Variants in MACROD2 observed in about 807,000 individuals in gnomAD.
MACROD2 encodes the protein ADP-ribose glycohydrolase MACROD2.
In MACROD2, 36 loss-of-function variants were observed where a neutral mutation model predicts 70.4. The ratio of observed to expected loss-of-function variants is 0.51; its 90% CI spans 0.39 to 0.68. The LOEUF (loss-of-function observed/expected upper bound fraction) is 0.68. Among genes scored for constraint, MACROD2 ranks in the 30% least tolerant of loss-of-function variants. The pLI is 0.00. For synonymous variants in MACROD2, 172 were observed against 178.8 expected (o/e 0.96, Z 0.30); for missense variants, 496 against 538.4 (o/e 0.92, Z 0.78).
At chr20:15,341,657 A>G (rs917343080) in intron 6 of MACROD2, among the ~76,000 whole-genome samples, 1 of 152,274 alleles carries the variant, frequency 6.6e-6, no homozygotes, top group Non-Finnish European at 1.5e-5. Context: ...ATGCAAAAGC[A>G]TACACCTCTG....
chr20:15,647,816 T>G (rs572070175), intron 8 of MACROD2, among the ~76,000 whole-genome samples: 1 of 150,918 alleles, frequency 6.6e-6, no homozygotes, highest in South Asian at 2.1e-4. Context: ...GCCTCCCAGG[T>G]TCAAGTGATT....
At chr20:15,104,230 G>T (rs2075894490) in intron 5 of MACROD2, among the ~76,000 whole-genome samples, 1 of 152,126 alleles carries the variant, frequency 6.6e-6, no homozygotes, top group Admixed American at 6.5e-5. Flanking sequence ...CCACTGTCCT[G>T]TGAGTAGACT....
intron 5 of MACROD2, among the ~76,000 whole-genome samples, chr20:14,687,741 G>A (rs1386218775): frequency 6.6e-6 from 1 of 152,126 alleles, no homozygotes; most frequent in Non-Finnish European, 1.5e-5. Context: ...GAAATTACCA[G>A]ACAGGCATTG....
At chr20:15,020,961 A>G (rs1037151190) in intron 5 of MACROD2, among the ~76,000 whole-genome samples, 2 of 149,892 alleles carry the variant, frequency 1.3e-5, no homozygotes, top group Admixed American at 1.3e-4. Context: ...ATATATATGT[A>G]ATGTGTGTAT....
At chr20:15,122,983 C>A (rs900175181) in intron 5 of MACROD2, among the ~76,000 whole-genome samples, 1 of 152,132 alleles carries the variant, frequency 6.6e-6, no homozygotes, top group Non-Finnish European at 1.5e-5. Flanking sequence ...GAGTCCATGT[C>A]TCTGAGTAAT....
chr20:15,768,872 C>G (rs141546330), intron 8 of MACROD2, among the ~76,000 whole-genome samples: 1 of 152,108 alleles, frequency 6.6e-6, no homozygotes, highest in Non-Finnish European at 1.5e-5. Flanking sequence ...AAAATACACA[C>G]GTTACCCTGG....
rs1330945534 is a variant in MACROD2 at position 14,526,607 on chromosome 20, C to T, written c.301+33099C>T. On this transcript the variant is annotated intron_variant, in intron 4 of 17. Transcript: ENST00000684519. Reference sequence around the variant, plus strand: ...GATTGCACTCTTAAGTTCAACTCTTCACGGACGTCTATAATATTCCTTATC... The same window carrying T: ...GATTGCACTCTTAAGTTCAACTCTTTACGGACGTCTATAATATTCCTTATC... Among the ~76,000 whole-genome samples, 3 of 152,206 alleles carry T rather than the reference C, an allele frequency of 2.0e-5. No individual in the cohort carries two copies. The East Asian group carries it at 5.8e-4, about 29-fold the overall frequency.
chr20:15,096,167 A>G (rs1601067799), intron 5 of MACROD2, among the ~76,000 whole-genome samples: 1 of 152,230 alleles, frequency 6.6e-6, no homozygotes, highest in East Asian at 1.9e-4. Context: ...GGAGCTTGCC[A>G]GTAGCAGCAG....
At chr20:14,648,978 C>T (rs938507336) in intron 4 of MACROD2, among the ~76,000 whole-genome samples, 1 of 152,128 alleles carries the variant, frequency 6.6e-6, no homozygotes, top group African/African-American at 2.4e-5. Context: ...GTGCAATAGG[C>T]CCATGAGGTA....
intron 3 of MACROD2, among the ~76,000 whole-genome samples, chr20:14,368,551 AAC>A (rs73615562): frequency 6.6e-6 from 1 of 151,870 alleles, no homozygotes; most frequent in African/African-American, 2.4e-5. Flanking sequence ...TCAAAAAAAA[AAC>A]ACACACACAC....
At chr20:15,399,749 T>G (rs1002219790) in intron 6 of MACROD2, among the ~76,000 whole-genome samples, 1 of 152,234 alleles carries the variant, frequency 6.6e-6, no homozygotes, top group African/African-American at 2.4e-5. Context: ...GGCCTTGTTG[T>G]GATTGGCTTT....
intron 3 of MACROD2, among the ~76,000 whole-genome samples, chr20:14,402,511 G>A (rs1257122425): frequency 1.3e-5 from 2 of 152,006 alleles, no homozygotes; most frequent in African/African-American, 4.8e-5. Flanking sequence ...ATGTGTGTAC[G>A]TATGTATGTC....
chr20:15,387,839 C>T (rs1039519246), intron 6 of MACROD2, among the ~76,000 whole-genome samples: 1 of 150,982 alleles, frequency 6.6e-6, no homozygotes, highest in East Asian at 2.0e-4. Flanking sequence ...CAGCCTCAAA[C>T]TCCTGAGATC....
intron 5 of MACROD2, among the ~76,000 whole-genome samples, chr20:15,006,230 A>G (rs1018571120): frequency 2.0e-5 from 3 of 150,792 alleles, no homozygotes; most frequent in African/African-American, 7.3e-5. Context: ...CCTGGAGGAT[A>G]TTATGCTAAG....
chr20:14,438,071 T>C (rs549772365), intron 3 of MACROD2, among the ~76,000 whole-genome samples: 22 of 152,292 alleles, frequency 1.4e-4, no homozygotes, highest in African/African-American at 5.3e-4. Context: ...ATTTGCTATT[T>C]TACATACTTT....
chr20:14,169,868 T>C (rs1489408049), intron 3 of MACROD2, among the ~76,000 whole-genome samples: 3 of 152,084 alleles, frequency 2.0e-5, no homozygotes, highest in African/African-American at 4.8e-5. Context: ...TCCTCTCTTC[T>C]TAAGAGGTTC....
chr20:14,495,468 C>T (rs1308271766), intron 4 of MACROD2, among the ~76,000 whole-genome samples: 1 of 152,176 alleles, frequency 6.6e-6, no homozygotes, highest in Non-Finnish European at 1.5e-5. Flanking sequence ...GGACAGTATT[C>T]ATTCCTAGCA....
At chr20:15,659,304 C>CTTTTTTTTTT (rs11468344) in intron 8 of MACROD2, among the ~76,000 whole-genome samples, 1 of 67,266 alleles carries the variant, frequency 1.5e-5, no homozygotes. Flanking sequence ...GATAGCACAG[C>CTTTTTTTTTT]TTTTTTTTTT....
intron 16 of MACROD2, among the ~76,000 whole-genome samples, chr20:16,042,308 G>A (rs959012423): frequency 7.2e-5 from 11 of 151,980 alleles, no homozygotes; most frequent in Non-Finnish European, 1.2e-4. Flanking sequence ...CTGCTTGTTA[G>A]TTATGAGCAG....
Sources: allele counts gnomAD v4.1 joint callset (sites outside exome capture counted in the v4.1 genomes callset), GRCh38; gene constraint gnomAD v4.1.1; transcripts MANE v1.5; gene names NCBI Gene and HGNC (gene_info 2026-07-23, HGNC 2026-07-21).